PCDH9: variants seen among roughly 807,000 people sequenced by gnomAD.
The protein encoded by PCDH9 is protocadherin-9.
PCDH9 carries 24 observed loss-of-function variants against 70.6 expected under a neutral mutation model. The observed-to-expected ratio is 0.34, with a 90% CI of 0.25 to 0.48. PCDH9 has a LOEUF of 0.48. Ranked by LOEUF, PCDH9 falls within the 20% of genes least tolerant of loss-of-function variation. The pLI, the probability that PCDH9 is intolerant of heterozygous loss-of-function variation, is 0.99. For missense variants in PCDH9, 1,281 were observed against 1,503.6 expected, an observed-to-expected ratio of 0.85 and a Z score of 2.45; for synonymous variants, 562 against 558.5, an observed-to-expected ratio of 1.01 and a Z score of -0.09.
chr13:66,881,715 T>C (rs868785276), intron 3 of PCDH9, among the ~76,000 whole-genome samples: 1 of 152,242 alleles, frequency 6.6e-6, no homozygotes, highest in Non-Finnish European at 1.5e-5. Context: ...TCTAGAATTC[T>C]ATTTCTGAAA....
intron 3 of PCDH9, among the ~76,000 whole-genome samples, chr13:66,781,207 A>G (rs1280011974): frequency 6.6e-6 from 1 of 152,194 alleles, no homozygotes; most frequent in Admixed American, 6.6e-5. Flanking sequence ...ATTAGGATTG[A>G]ATTAAAATTC....
intron 4 of PCDH9, among the ~76,000 whole-genome samples, chr13:66,370,620 C>A (rs1435308633): frequency 4.0e-5 from 6 of 151,310 alleles, no homozygotes; most frequent in Non-Finnish European, 5.9e-5. Flanking sequence ...AAGGGATCCT[C>A]CCGTATCAGC....
chr13:67,069,538 C>T (rs952827814), intron 2 of PCDH9, among the ~76,000 whole-genome samples: 4 of 152,032 alleles, frequency 2.6e-5, no homozygotes, highest in Non-Finnish European at 5.9e-5. Context: ...TTACGTCAGC[C>T]TCAAAAGCAT....
intron 2 of PCDH9, among the ~76,000 whole-genome samples, chr13:66,910,549 A>G (rs952719274): frequency 2.6e-5 from 4 of 152,154 alleles, no homozygotes; most frequent in African/African-American, 9.7e-5. Flanking sequence ...AAATTTAAGT[A>G]AAAAGAGGAT....
At chr13:67,047,813 C>T (rs1052923350) in intron 2 of PCDH9, among the ~76,000 whole-genome samples, 1 of 152,124 alleles carries the variant, frequency 6.6e-6, no homozygotes, top group Non-Finnish European at 1.5e-5. Context: ...AATGGGAATG[C>T]TAATGCCAAA....
At chr13:67,131,186 A>C (rs1291462702) in intron 2 of PCDH9, among the ~76,000 whole-genome samples, 1 of 152,164 alleles carries the variant, frequency 6.6e-6, no homozygotes, top group Non-Finnish European at 1.5e-5. Flanking sequence ...TAAATAGAAA[A>C]TTTAGACTCC....
At chr13:66,962,447 T>C (rs757326496) in intron 2 of PCDH9, among the ~76,000 whole-genome samples, 6 of 152,170 alleles carry the variant, frequency 3.9e-5, no homozygotes, top group African/African-American at 7.2e-5. Context: ...AAATGTGTCA[T>C]TGGGCAATTT....
Position 66,533,846 on chromosome 13 carries a change from T to C in PCDH9, c.3340+97364A>G, listed in dbSNP as rs577460977. ...TGGCCTTCCAACCTCCGCAAACATA[T>C]GGCCCACATTGAACTCCCAAAGGCA... On this transcript the variant is annotated intron_variant, in intron 4 of 4. Coordinates refer to ENST00000377865, the MANE Select transcript of PCDH9 (RefSeq NM_203487.3). Among the ~76,000 whole-genome samples, 4 of 152,266 alleles carry C rather than the reference T, an allele frequency of 2.6e-5. No homozygotes were observed. In the East Asian group the frequency reaches 7.7e-4, roughly 29 times the overall value.
At chr13:66,453,294 ACT>A (rs1312291487) in intron 4 of PCDH9, among the ~76,000 whole-genome samples, 1 of 151,942 alleles carries the variant, frequency 6.6e-6, no homozygotes, top group Admixed American at 6.6e-5. Flanking sequence ...TAAAAATCTG[ACT>A]CCACTCTTTC....
intron 4 of PCDH9, among the ~76,000 whole-genome samples, chr13:66,521,626 C>T (rs891017348): frequency 3.9e-5 from 6 of 152,006 alleles, no homozygotes; most frequent in East Asian, 1.9e-4. Flanking sequence ...ACCCGTGGTA[C>T]GTGTTATGGT....
chr13:66,351,355 C>T (rs1027814978), intron 4 of PCDH9, among the ~76,000 whole-genome samples: 5 of 152,116 alleles, frequency 3.3e-5, no homozygotes, highest in African/African-American at 7.2e-5. Context: ...AAGTCTCCTA[C>T]TGATGACAAT....
intron 4 of PCDH9, among the ~76,000 whole-genome samples, chr13:66,334,796 A>G (rs1212144978): frequency 6.6e-6 from 1 of 152,066 alleles, no homozygotes; most frequent in African/African-American, 2.4e-5. Flanking sequence ...AACAAAAAAA[A>G]TTTCTTTTGA....
intron 4 of PCDH9, among the ~76,000 whole-genome samples, chr13:66,385,436 C>G (rs1436027901): frequency 6.6e-6 from 1 of 152,114 alleles, no homozygotes. Context: ...ATGCCTCCGT[C>G]TAGCCCGCCC....
chr13:66,486,248 A>T (rs1359668417), intron 4 of PCDH9, among the ~76,000 whole-genome samples: 1 of 151,754 alleles, frequency 6.6e-6, no homozygotes, highest in Non-Finnish European at 1.5e-5. Context: ...TTGAGACCAG[A>T]CTGGGCAACA....
chr13:66,659,676 A>ATT (rs368848878), intron 3 of PCDH9, among the ~76,000 whole-genome samples: 4 of 148,418 alleles, frequency 2.7e-5, no homozygotes, highest in Non-Finnish European at 6.0e-5. Context: ...CTTTTTAAAC[A>ATT]TTTTTTTTTT....
chr13:67,195,279 G>A (rs2089030974), intron 2 of PCDH9, among the ~76,000 whole-genome samples: 1 of 151,932 alleles, frequency 6.6e-6, no homozygotes, highest in Non-Finnish European at 1.5e-5. Context: ...CGAGCAGCTG[G>A]GACTACAGGC....
At chr13:67,181,354 G>T (rs897818441) in intron 2 of PCDH9, among the ~76,000 whole-genome samples, 2 of 152,104 alleles carry the variant, frequency 1.3e-5, no homozygotes, top group South Asian at 4.1e-4. Context: ...GAAATCATTG[G>T]TGTCATTAAG....
At chr13:66,896,474 A>T (rs1303924680) in intron 3 of PCDH9, among the ~76,000 whole-genome samples, 1 of 152,166 alleles carries the variant, frequency 6.6e-6, no homozygotes, top group Non-Finnish European at 1.5e-5. Flanking sequence ...AGGCTATTAT[A>T]TGTAAAATTG....
At position 66,328,642 on chromosome 13, in the gene PCDH9, T is replaced by C. The variant is rs79555833; in HGVS notation, c.3341-23614A>G. Among the ~76,000 whole-genome samples, 498 of 151,902 alleles carry C rather than the reference T, an allele frequency of 3.3e-3. 2 individuals are homozygous for C. Among genetic ancestry groups the C allele is most frequent in the African/African-American group, 0.011 (471 of 41,498 alleles). ...GTGGAGTGGTTTATATTCTTTCCAA[T>C]TGATCCATGTTAACTGAGAATGGTT... On this transcript the variant is annotated intron_variant, in intron 4 of 4. Coordinates refer to ENST00000377865, the MANE Select transcript of PCDH9 (RefSeq NM_203487.3).
Sources: gnomAD v4.1 joint callset for allele counts (sites outside exome capture counted in the v4.1 genomes callset) on GRCh38, gnomAD v4.1.1 for gene constraint, MANE v1.5 for transcripts, NCBI Gene and HGNC (gene_info 2026-07-23, HGNC 2026-07-21) for gene names.